Variants in CRYGS observed in about 807,000 individuals in gnomAD.
CRYGS encodes crystallin gamma S.
CRYGS carries 13 observed loss-of-function variants against 21.3 expected under a neutral mutation model. That is an observed-to-expected ratio of 0.61 (90% CI 0.40 to 0.97). The LOEUF (loss-of-function observed/expected upper bound fraction) is 0.97. Among genes scored for constraint, CRYGS ranks in the 50% least tolerant of loss-of-function variants. The probability of loss-of-function intolerance (pLI) is 0.00; values close to 1 mark genes in which losing one functional copy is unlikely to be tolerated. For synonymous variants in CRYGS, 67 were observed against 75.0 expected (o/e 0.89, Z 0.55); for missense variants, 205 against 229.7 (o/e 0.89, Z 0.69).
At chr3:186,542,218 G>C (rs74466691) in intron 1 of CRYGS, among the ~76,000 whole-genome samples, 5 of 152,318 alleles carry the variant, frequency 3.3e-5, no homozygotes, top group Admixed American at 3.3e-4. Context: ...CCATCCAAAA[G>C]TTGAAACAAA....
At chr3:186,543,926 A>G (rs1051073974) in intron 1 of CRYGS, among the ~76,000 whole-genome samples, 16 of 152,228 alleles carry the variant, frequency 1.1e-4, no homozygotes, top group South Asian at 4.1e-4. Flanking sequence ...GGTTGAGGCT[A>G]AATTTCAGAA....
Position 186,538,963 on chromosome 3 carries a change from A to G in CRYGS, c.270T>C (p.Ser90=). The G allele has an allele frequency of 6.2e-7, 1 of 1,614,070 alleles. No individual in the cohort carries two copies. The highest frequency in any genetic ancestry group is 8.5e-7 in the Non-Finnish European group (1 of 1,179,996). The change falls in exon 3 of 3, where the codon AGT becomes AGC. Residue 90 remains serine (S), a synonymous_variant. Transcript: ENST00000307944. ...LSSCRAVHLP[S]GGQYKIQIFE... is the part of the protein sequence containing the mutation. ...AGATCTGAATCTTATACTGGCCTCCACTAGGCTGAAAAGACACAGGAGAAA... is the reference window on the plus strand; with the variant it reads ...AGATCTGAATCTTATACTGGCCTCCGCTAGGCTGAAAAGACACAGGAGAAA...
chr3:186,539,559 GC>G lies in CRYGS; in HGVS notation c.59del (p.Arg20ProfsTer15). ...CTGCACAGTCGCAATCACAGTCATA[GC>G]GACGGCCTTGAAAATTTTTGTCTTC... ...FYEDKNFQGR[R>X]YDCDCDCADF... On this transcript the variant is annotated frameshift_variant, in exon 2 of 3. Coordinates refer to ENST00000307944, the MANE Select transcript of CRYGS (RefSeq NM_017541.4). LOFTEE classifies it high-confidence loss of function. 1 of 1,614,164 alleles carries G rather than the reference GC, an allele frequency of 6.2e-7. No individual in the cohort carries two copies. Among genetic ancestry groups the G allele is most frequent in the African/African-American group, 1.3e-5 (1 of 75,054 alleles).
intron 1 of CRYGS, among the ~76,000 whole-genome samples, chr3:186,542,465 C>T (rs560726587): frequency 2.0e-5 from 3 of 152,262 alleles, no homozygotes; most frequent in African/African-American, 4.8e-5. Context: ...GAAATTATTA[C>T]AAAATTCCTA....
At chr3:186,543,379 T>C (rs1471839907) in intron 1 of CRYGS, among the ~76,000 whole-genome samples, 2 of 152,144 alleles carry the variant, frequency 1.3e-5, no homozygotes, top group Non-Finnish European at 1.5e-5. Context: ...ATATTTATGA[T>C]AACTCTTGGG....
chr3:186,538,928 C>T lies in CRYGS; in HGVS notation c.305G>A (p.Gly102Glu), dbSNP rs144124671. The change falls in exon 3 of 3, where the codon GGG becomes GAG. Residue 102 changes from glycine to glutamate, a missense_variant. Gly to Glu is a moderately conservative substitution (Grantham distance 98). Coordinates refer to ENST00000307944, the MANE Select transcript of CRYGS (RefSeq NM_017541.4). ...TTCATACATCTGACCACTAAAATCC[C>T]CTTTCTCAAAGATCTGAATCTTATA... ...GQYKIQIFEK[G>E]DFSGQMYETT... The T allele has an allele frequency of 3.4e-4, 542 of 1,614,088 alleles. 5 individuals are homozygous for T. Among genetic ancestry groups the T allele is most frequent in the Middle Eastern group, 1.8e-3 (11 of 6,062 alleles).
chr3:186,543,537 T>C (rs972899205), intron 1 of CRYGS, among the ~76,000 whole-genome samples: 1 of 152,328 alleles, frequency 6.6e-6, no homozygotes, highest in African/African-American at 2.4e-5. Flanking sequence ...AGAGACCAAA[T>C]ATGGCAAAAT....
intron 2 of CRYGS, 120 bp from the exon 3 acceptor site, chr3:186,539,088 C>A: frequency 8.1e-7 from 1 of 1,237,174 alleles, no homozygotes. Context: ...TCTGAACTCC[C>A]ATCTCACCAT....
At chr3:186,543,723 A>G (rs918348120) in intron 1 of CRYGS, among the ~76,000 whole-genome samples, 10 of 152,190 alleles carry the variant, frequency 6.6e-5, no homozygotes, top group East Asian at 1.9e-4. Flanking sequence ...ATATTCCCTC[A>G]TTCCCAAAGC....
At chr3:186,541,056 G>T (rs369047916) in intron 1 of CRYGS, among the ~76,000 whole-genome samples, 3 of 152,254 alleles carry the variant, frequency 2.0e-5, no homozygotes, top group Middle Eastern at 3.4e-3. Context: ...TGTGGGCCAG[G>T]TGAGAGATGA....
chr3:186,543,839 A>G (rs1392059958), intron 1 of CRYGS, among the ~76,000 whole-genome samples: 1 of 152,184 alleles, frequency 6.6e-6, no homozygotes, highest in African/African-American at 2.4e-5. Context: ...AGTAAAAATA[A>G]TTGCTTGAAT....
chr3:186,542,080 C>A (rs532121026), intron 1 of CRYGS, among the ~76,000 whole-genome samples: 36 of 152,350 alleles, frequency 2.4e-4, no homozygotes, highest in African/African-American at 8.2e-4. Flanking sequence ...ATCTATTTCA[C>A]TTCATAGTTT....
chr3:186,542,147 A>T (rs1714085084), intron 1 of CRYGS, among the ~76,000 whole-genome samples: 1 of 152,234 alleles, frequency 6.6e-6, no homozygotes, highest in South Asian at 2.1e-4. Context: ...TCTGCTAAGT[A>T]AAAAGATACA....
chr3:186,541,534 C>G (rs1293680421), intron 1 of CRYGS, among the ~76,000 whole-genome samples: 1 of 152,194 alleles, frequency 6.6e-6, no homozygotes, highest in African/African-American at 2.4e-5. Flanking sequence ...GGGCAATGAA[C>G]CTTTCTCTAC....
chr3:186,542,552 G>A (rs1227790519), intron 1 of CRYGS, among the ~76,000 whole-genome samples: 1 of 152,128 alleles, frequency 6.6e-6, no homozygotes, highest in East Asian at 1.9e-4. Flanking sequence ...GAGTATCCCA[G>A]AAGTAATGAA....
chr3:186,539,634 C>G (rs778114239), intron 1 of CRYGS, 37 bp from the exon 2 acceptor site: 130 of 1,613,114 alleles, frequency 8.1e-5, no homozygotes, highest in Non-Finnish European at 1.1e-4. Context: ...AGCTGAGGAG[C>G]TGGGTGGCTT....
At chr3:186,539,013 C>A in intron 2 of CRYGS, 45 bp from the exon 3 acceptor site, 1 of 1,606,190 alleles carries the variant, frequency 6.2e-7, no homozygotes. Flanking sequence ...TTATGGAAAT[C>A]ACCAGCAGGT....
chr3:186,543,741 G>A (rs1714121899), intron 1 of CRYGS, among the ~76,000 whole-genome samples: 1 of 152,142 alleles, frequency 6.6e-6, no homozygotes, highest in African/African-American at 2.4e-5. Context: ...AGCCCTACCT[G>A]AAAGAATAAT....
rs1052176525 is a variant in CRYGS at position 186,539,697 on chromosome 3, C to T, written c.22-100G>A. 1.6e-5 allele frequency: 24 copies of T among 1,462,174 alleles called. 1 individual carries two copies. In the East Asian group the frequency reaches 4.8e-4, roughly 29 times the overall value. The allele number at this position is 1,462,174 out of a possible 1,614,324, so 90.6% of individuals were successfully genotyped here. A position where few individuals can be genotyped will look rare whatever the true frequency, so the allele number is the denominator to read the frequency against. On this transcript the variant is annotated intron_variant, in intron 1 of 2. Transcript: ENST00000307944. The stretch of plus-strand genomic sequence containing the variant: ...ATGCCTACTTTAGAAATTCCTTTCA[C>T]CTCAATTTTGAGGAAAAATATGTAG...
Sources: gnomAD v4.1 joint callset for allele counts (sites outside exome capture counted in the v4.1 genomes callset) on GRCh38, gnomAD v4.1.1 for gene constraint, MANE v1.5 for transcripts, NCBI Gene and HGNC (gene_info 2026-07-23, HGNC 2026-07-21) for gene names.